The following RANBP2 variants were observed in gnomAD, a reference collection of about 807,000 sequenced individuals.
The protein encoded by RANBP2 is E3 SUMO-protein ligase RanBP2.
Under a neutral mutation model 303.6 loss-of-function variants are expected in RANBP2, and 57 were observed. The ratio of observed to expected loss-of-function variants is 0.19; its 90% CI spans 0.15 to 0.23. The LOEUF (loss-of-function observed/expected upper bound fraction) is 0.23. Among genes scored for constraint, RANBP2 ranks in the 10% least tolerant of loss-of-function variants. The probability of loss-of-function intolerance (pLI) is 1.00; values close to 1 mark genes in which losing one functional copy is unlikely to be tolerated. For missense variants in RANBP2, 3,138 were observed against 3,780.8 expected (o/e 0.83, Z 4.46); for synonymous variants, 1,167 against 1,301.5 (o/e 0.90, Z 2.23).
chr2:108,768,852 G>A (rs1381328231), intron 20 of RANBP2, among the ~76,000 whole-genome samples: 1 of 152,076 alleles, frequency 6.6e-6, no homozygotes, highest in Non-Finnish European at 1.5e-5. Flanking sequence ...GGCCAGCATG[G>A]TGAAACCCTG....
At chr2:109,482,828 C>G in the RANBP2 span, among the ~76,000 whole-genome samples, 1 of 152,250 alleles carries the variant, frequency 6.6e-6, no homozygotes, top group Non-Finnish European at 1.5e-5. Context: ...CCACCAAAAA[C>G]AAGCTAGAGA....
At chr2:108,812,783 C>A in the RANBP2 span, 1 of 1,611,496 alleles carries the variant, frequency 6.2e-7, no homozygotes, top group Non-Finnish European at 8.5e-7. Flanking sequence ...CATTTAGATA[C>A]AATTGTTCTT....
At chr2:108,888,884 A>G in the RANBP2 span, among the ~76,000 whole-genome samples, 1 of 151,340 alleles carries the variant, frequency 6.6e-6, no homozygotes, top group Non-Finnish European at 1.5e-5. Flanking sequence ...TTTGAGGTAT[A>G]TTGTTTGATT....
chr2:109,454,758 C>T, the RANBP2 span, among the ~76,000 whole-genome samples: 9 of 152,066 alleles, frequency 5.9e-5, no homozygotes, highest in African/African-American at 9.7e-5. Flanking sequence ...TTGCTGTGTG[C>T]GAGTCCTGAC....
chr2:109,555,098 C>T, the RANBP2 span, among the ~76,000 whole-genome samples: 1 of 152,104 alleles, frequency 6.6e-6, no homozygotes, highest in African/African-American at 2.4e-5. Flanking sequence ...TCTAGTTCCT[C>T]TTTCTTTCAC....
the RANBP2 span, chr2:108,907,741 G>T: frequency 8.4e-7 from 1 of 1,188,904 alleles, no homozygotes; most frequent in South Asian, 1.2e-5. Flanking sequence ...CTCCTATCTT[G>T]GACTTCTGGG....
At chr2:109,460,601 A>G in the RANBP2 span, among the ~76,000 whole-genome samples, 1 of 152,200 alleles carries the variant, frequency 6.6e-6, no homozygotes, top group East Asian at 1.9e-4. Flanking sequence ...TGGAATTACT[A>G]AAGTCCTCCT....
At chr2:108,753,373 G>A (rs1457172750) in intron 13 of RANBP2, 53 bp from the exon 14 acceptor site, 14 of 1,601,854 alleles carry the variant, frequency 8.7e-6, no homozygotes, top group Non-Finnish European at 1.2e-5. Flanking sequence ...AATCATTTGG[G>A]TTTTATATTC....
chr2:109,326,255 A>G, the RANBP2 span, among the ~76,000 whole-genome samples: 1 of 152,188 alleles, frequency 6.6e-6, no homozygotes, highest in African/African-American at 2.4e-5. Flanking sequence ...ATGTACATAG[A>G]TGTCGCTCAT....
the RANBP2 span, among the ~76,000 whole-genome samples, chr2:109,314,524 A>T: frequency 6.6e-6 from 1 of 152,200 alleles, no homozygotes; most frequent in Non-Finnish European, 1.5e-5. Context: ...GAATTTCTCT[A>T]CCATATGAAT....
At chr2:109,583,786 C>A in the RANBP2 span, among the ~76,000 whole-genome samples, 1 of 152,200 alleles carries the variant, frequency 6.6e-6, no homozygotes, top group Non-Finnish European at 1.5e-5. Flanking sequence ...TACATACCTA[C>A]CATGGACTAC....
At chr2:108,909,167 CCT>C in the RANBP2 span, among the ~76,000 whole-genome samples, 24 of 152,154 alleles carry the variant, frequency 1.6e-4, no homozygotes, top group African/African-American at 5.5e-4. Context: ...CCAAATTTTC[CCT>C]GTCTTCAACT....
the RANBP2 span, among the ~76,000 whole-genome samples, chr2:108,976,978 A>G: frequency 9.9e-5 from 15 of 152,098 alleles, no homozygotes; most frequent in African/African-American, 3.6e-4. Flanking sequence ...CACAGTGAGG[A>G]CTGACAAATG....
rs1352579681 is a variant in RANBP2 at position 108,782,556 on chromosome 2, A to G, written c.9063A>G (p.Ala3021=). The change falls in exon 28 of 29, where the codon GCA becomes GCG. Residue 3021 remains alanine, a synonymous_variant. Coordinates refer to ENST00000283195, the MANE Select transcript of RANBP2 (RefSeq NM_006267.5). ...ADGEAKVEQL[A]VRFKTKEVAD... ...GAGAAGCAAAAGTAGAACAGCTTGC[A>G]GTGAGATTTAAAACTAAAGAAGTAG... 2.5e-6 allele frequency: 4 copies of G among 1,614,226 alleles called. No individual in the cohort carries two copies. In the East Asian group the frequency reaches 6.7e-5, roughly 27 times the overall value.
the RANBP2 span, among the ~76,000 whole-genome samples, chr2:109,708,572 G>A: frequency 2.6e-5 from 4 of 152,030 alleles, no homozygotes; most frequent in Non-Finnish European, 5.9e-5. Context: ...GTTGCAGTGA[G>A]CCTGGGAGGC....
At chr2:109,525,060 A>C in the RANBP2 span, among the ~76,000 whole-genome samples, 1 of 145,104 alleles carries the variant, frequency 6.9e-6, no homozygotes, top group African/African-American at 2.5e-5. Context: ...CATGGTGGGC[A>C]TTTAGGCTCC....
chr2:109,443,332 C>T, the RANBP2 span, among the ~76,000 whole-genome samples: 2 of 152,218 alleles, frequency 1.3e-5, no homozygotes, highest in African/African-American at 4.8e-5. Context: ...CTGCATTGTA[C>T]TGTGTTGCCC....
the RANBP2 span, among the ~76,000 whole-genome samples, chr2:109,202,484 G>A: frequency 3.9e-5 from 6 of 152,164 alleles, no homozygotes; most frequent in Non-Finnish European, 8.8e-5. Context: ...TGTCCCTGGG[G>A]CGCGTTCTTG....
At chr2:108,973,457 A>G in the RANBP2 span, among the ~76,000 whole-genome samples, 10 of 152,080 alleles carry the variant, frequency 6.6e-5, no homozygotes, top group Admixed American at 4.6e-4. Context: ...TCCTGCCTTC[A>G]TTTCTCCTGC....
Sources: allele counts gnomAD v4.1 joint callset (sites outside exome capture counted in the v4.1 genomes callset), GRCh38; gene constraint gnomAD v4.1.1; transcripts MANE v1.5; gene names NCBI Gene and HGNC (gene_info 2026-07-23, HGNC 2026-07-21).